CPE: variants seen among roughly 807,000 people sequenced by gnomAD.
The protein encoded by CPE is carboxypeptidase E, also known as carbocypeptidase E.
CPE carries 17 observed loss-of-function variants against 53.5 expected under a neutral mutation model. The ratio of observed to expected loss-of-function variants is 0.32; its 90% CI spans 0.22 to 0.48. The LOEUF (loss-of-function observed/expected upper bound fraction) is 0.48. CPE is among the 20% of genes least tolerant of loss of function. The pLI, the probability that CPE is intolerant of heterozygous loss-of-function variation, is 0.99. For missense variants in CPE, 524 were observed against 614.7 expected (o/e 0.85, Z 1.56); for synonymous variants, 226 against 228.8 (o/e 0.99, Z 0.11).
chr4:165,451,088 C>G (rs1262470206), intron 1 of CPE, among the ~76,000 whole-genome samples: 1 of 152,226 alleles, frequency 6.6e-6, no homozygotes, highest in Non-Finnish European at 1.5e-5. Context: ...TCTCAGGCCC[C>G]ACTCCAGATC....
At chr4:165,438,421 A>G (rs181727678) in intron 1 of CPE, among the ~76,000 whole-genome samples, 1 of 152,254 alleles carries the variant, frequency 6.6e-6, no homozygotes, top group African/African-American at 2.4e-5. Flanking sequence ...AGGAAAGAGT[A>G]GGGGAAACAA....
At chr4:165,405,780 A>C (rs6837454) in intron 1 of CPE, 378,935 of 873,986 alleles carry the variant, frequency 0.43, 84,541 homozygotes, top group African/African-American at 0.57. Context: ...TGTCAAAAGC[A>C]GCAGGCACAC....
At chr4:165,421,245 T>C (rs13151923) in intron 1 of CPE, among the ~76,000 whole-genome samples, 44,798 of 151,982 alleles carry the variant, frequency 0.29, 6,650 homozygotes, top group Middle Eastern at 0.39. Context: ...GGAGTCTTCG[T>C]TGCTGTGCTC....
intron 1 of CPE, among the ~76,000 whole-genome samples, chr4:165,440,287 A>G (rs1341186897): frequency 2.6e-5 from 4 of 152,206 alleles, no homozygotes; most frequent in African/African-American, 9.6e-5. Context: ...ATTATAGAAA[A>G]TAACTTTGGC....
At position 165,484,621 on chromosome 4, in the gene CPE, C is replaced by T; in HGVS notation, c.973+17C>T. The T allele has an allele frequency of 6.2e-7, 1 of 1,609,292 alleles. No homozygotes were observed. Among genetic ancestry groups the T allele is most frequent in the Non-Finnish European group, 8.5e-7 (1 of 1,176,598 alleles). The stretch of plus-strand genomic sequence containing the variant: ...TACCTGGAGGTGAGTTTCCATTGTG[C>T]TCTCTGATTATGTGATTGTAGCTTA... On this transcript the variant is annotated intron_variant, in intron 5 of 8. Transcript: ENST00000402744.
At chr4:165,496,453 C>A (rs990575996) in intron 8 of CPE, among the ~76,000 whole-genome samples, 18 of 152,124 alleles carry the variant, frequency 1.2e-4, no homozygotes, top group Non-Finnish European at 4.4e-5. Context: ...GTAACTGAAA[C>A]CTGGAAAAAA....
intron 3 of CPE, among the ~76,000 whole-genome samples, chr4:165,481,018 T>TATATATATATA (rs1560894846): frequency 6.9e-5 from 8 of 115,312 alleles, no homozygotes; most frequent in African/African-American, 3.1e-4. Flanking sequence ...ATATATATAT[T>TATATATATATA]TTTTTTTTTT....
intron 1 of CPE, among the ~76,000 whole-genome samples, chr4:165,463,298 T>C (rs976609494): frequency 1.3e-5 from 2 of 152,160 alleles, no homozygotes; most frequent in African/African-American, 4.8e-5. Context: ...CAAGATAATG[T>C]CATGTAATAA....
intron 4 of CPE, among the ~76,000 whole-genome samples, chr4:165,483,463 G>A (rs1732454899): frequency 6.6e-6 from 1 of 152,142 alleles, no homozygotes; most frequent in Non-Finnish European, 1.5e-5. Context: ...GAGTGCACAT[G>A]TCTTCTTTAT....
intron 1 of CPE, among the ~76,000 whole-genome samples, chr4:165,427,117 A>T (rs34313639): frequency 1.3e-5 from 2 of 151,924 alleles, no homozygotes; most frequent in Non-Finnish European, 2.9e-5. Flanking sequence ...GGAATTTTCC[A>T]TTGTGGGCAT....
At chr4:165,454,402 A>T (rs530281981) in intron 1 of CPE, among the ~76,000 whole-genome samples, 1 of 152,366 alleles carries the variant, frequency 6.6e-6, no homozygotes, top group African/African-American at 2.4e-5. Context: ...AATTAATTTG[A>T]CTTTTGAATT....
chr4:165,492,239 T>C (rs1318694154), intron 6 of CPE, among the ~76,000 whole-genome samples: 1 of 152,216 alleles, frequency 6.6e-6, no homozygotes, highest in Non-Finnish European at 1.5e-5. Context: ...CTCACTACTC[T>C]ATTTTCAGCC....
At chr4:165,469,076 C>G (rs1732155355) in intron 3 of CPE, among the ~76,000 whole-genome samples, 1 of 152,174 alleles carries the variant, frequency 6.6e-6, no homozygotes, top group Non-Finnish European at 1.5e-5. Context: ...AAGCCAGGAC[C>G]TGGAACTTTT....
At chr4:165,466,735 C>T (rs997125052) in intron 2 of CPE, among the ~76,000 whole-genome samples, 1 of 152,138 alleles carries the variant, frequency 6.6e-6, no homozygotes, top group East Asian at 1.9e-4. Context: ...CCAGGATGGT[C>T]TTGATCTCCT....
chr4:165,475,410 C>G (rs1344264732), intron 3 of CPE, among the ~76,000 whole-genome samples: 1 of 152,124 alleles, frequency 6.6e-6, no homozygotes, highest in Non-Finnish European at 1.5e-5. Context: ...AGGGTAAAAA[C>G]AAGTATAAAC....
intron 6 of CPE, among the ~76,000 whole-genome samples, chr4:165,490,965 T>A (rs1398720751): frequency 1.3e-5 from 2 of 152,202 alleles, no homozygotes; most frequent in African/African-American, 2.4e-5. Flanking sequence ...ATTTGGACTT[T>A]CGTGATTTCT....
intron 1 of CPE, among the ~76,000 whole-genome samples, chr4:165,418,879 A>G (rs962361902): frequency 1.3e-5 from 2 of 152,200 alleles, no homozygotes; most frequent in Non-Finnish European, 2.9e-5. Context: ...TATAGCAGGG[A>G]AAACTAATCA....
chr4:165,472,126 T>C (rs113454644), intron 3 of CPE, among the ~76,000 whole-genome samples: 5,680 of 152,348 alleles, frequency 0.037, 119 homozygotes, highest in Non-Finnish European at 0.052. Context: ...AGCAATGTTT[T>C]AAGCAAAAAG....
chr4:165,387,624 C>A (rs1730615004), intron 1 of CPE, among the ~76,000 whole-genome samples: 2 of 152,052 alleles, frequency 1.3e-5, no homozygotes, highest in Non-Finnish European at 2.9e-5. Flanking sequence ...GCCTGACCAA[C>A]ATGGTGAAAC....
Sources: allele counts gnomAD v4.1 joint callset (sites outside exome capture counted in the v4.1 genomes callset), GRCh38; gene constraint gnomAD v4.1.1; transcripts MANE v1.5; gene names NCBI Gene and HGNC (gene_info 2026-07-23, HGNC 2026-07-21).